The following PRKCH variants were observed in gnomAD, a reference collection of about 807,000 sequenced individuals.
The protein encoded by PRKCH is protein kinase C eta.
A neutral mutation model predicts 82.5 loss-of-function variants in PRKCH; 28 were observed. The observed-to-expected ratio is 0.34, with a 90% CI of 0.25 to 0.47. The LOEUF is 0.47. Ranked by LOEUF, PRKCH falls within the 20% of genes least tolerant of loss-of-function variation. The pLI is 1.00. For missense variants in PRKCH, 705 were observed against 881.8 expected, an observed-to-expected ratio of 0.80 and a Z score of 2.54; for synonymous variants, 322 against 327.4, an observed-to-expected ratio of 0.98 and a Z score of 0.18.
chr14:61,438,086 T>C (rs1428794874), intron 2 of PRKCH, among the ~76,000 whole-genome samples: 1 of 152,158 alleles, frequency 6.6e-6, no homozygotes, highest in African/African-American at 2.4e-5. Flanking sequence ...ATGAGGAACA[T>C]ATCCTTTATG....
chr14:61,381,696 A>T (rs1348083344), intron 1 of PRKCH, among the ~76,000 whole-genome samples: 1 of 152,210 alleles, frequency 6.6e-6, no homozygotes, highest in East Asian at 1.9e-4. Flanking sequence ...ATCCAGCGGC[A>T]CATCAGGCTG....
At chr14:61,438,019 C>T (rs1038680560) in intron 2 of PRKCH, among the ~76,000 whole-genome samples, 6 of 152,106 alleles carry the variant, frequency 3.9e-5, no homozygotes, top group Admixed American at 1.3e-4. Flanking sequence ...TACTACCTGT[C>T]GGGTACTTCT....
In PRKCH at chr14:61,345,054, C is replaced by A. The variant is rs540870532; in HGVS notation, c.363+22590C>A. Among the ~76,000 whole-genome samples, 14 of 152,228 alleles carry A rather than the reference C, an allele frequency of 9.2e-5. No homozygotes were observed. The South Asian group carries it at 2.9e-3, about 32-fold the overall frequency. ...GTACTAGGCTGTATACTCATTCACC[C>A]TCAGTTCCCTTTTCTGGTATATTTC... On this transcript the variant is annotated intron_variant, in intron 1 of 13. Transcript: ENST00000332981.
intron 2 of PRKCH, among the ~76,000 whole-genome samples, chr14:61,403,362 GAC>G (rs1160095853): frequency 2.0e-5 from 3 of 152,112 alleles, no homozygotes; most frequent in African/African-American, 7.2e-5. Flanking sequence ...AGAAGGAACT[GAC>G]ACATATTTGT....
intron 2 of PRKCH, among the ~76,000 whole-genome samples, chr14:61,404,755 G>A (rs1308365173): frequency 1.3e-5 from 2 of 152,172 alleles, no homozygotes; most frequent in African/African-American, 4.8e-5. Flanking sequence ...CCTCTGATGA[G>A]GTATCATTTG....
At chr14:61,376,656 C>G (rs942172209) in intron 1 of PRKCH, among the ~76,000 whole-genome samples, 4 of 152,160 alleles carry the variant, frequency 2.6e-5, no homozygotes, top group African/African-American at 9.7e-5. Context: ...CACACTTGTA[C>G]CACTGAGACA....
chr14:61,481,429 TC>T (rs1001701232), intron 9 of PRKCH, among the ~76,000 whole-genome samples: 1 of 152,186 alleles, frequency 6.6e-6, no homozygotes, highest in African/African-American at 2.4e-5. Context: ...GTTACTCGTG[TC>T]CCTTAATAAT....
chr14:61,342,437 A>G (rs2045940751), intron 1 of PRKCH, among the ~76,000 whole-genome samples: 1 of 152,196 alleles, frequency 6.6e-6, no homozygotes, highest in Non-Finnish European at 1.5e-5. Flanking sequence ...TGTAGGCTTT[A>G]TCCTTTAATT....
intron 1 of PRKCH, among the ~76,000 whole-genome samples, chr14:61,386,783 G>A (rs550320470): frequency 6.0e-4 from 91 of 152,308 alleles, no homozygotes; most frequent in African/African-American, 2.1e-3. Context: ...GGGATAGCAC[G>A]GATGTTAGAA....
intron 12 of PRKCH, among the ~76,000 whole-genome samples, chr14:61,545,685 A>G (rs768411128): frequency 3.9e-5 from 6 of 152,236 alleles, no homozygotes; most frequent in African/African-American, 7.2e-5. Context: ...CCAAGAGGCT[A>G]AGTATCAAGC....
chr14:61,247,602 G>A (rs369814021), intron 1 of PRKCH, among the ~76,000 whole-genome samples: 1 of 151,994 alleles, frequency 6.6e-6, no homozygotes, highest in South Asian at 2.1e-4. Context: ...CAGGTATAGT[G>A]GCATGTGCCT....
Position 61,526,777 on chromosome 14 carries a change from C to T in PRKCH, c.1434-2298C>T, listed in dbSNP as rs112449482. Among the ~76,000 whole-genome samples, 284 of 152,374 alleles carry T rather than the reference C, an allele frequency of 1.9e-3. 2 individuals carry two copies. The highest frequency in any genetic ancestry group is 6.4e-3 in the African/African-American group (265 of 41,596). On this transcript the variant is annotated intron_variant, in intron 10 of 13. Coordinates refer to ENST00000332981, the MANE Select transcript of PRKCH (RefSeq NM_006255.5). ...CAGTCAGCTGCAGCCACTGAGGAGA[C>T]GCCACAGCGAGGGGGGCTCCAGGCG... is the stretch of plus-strand genomic sequence containing the variant.
intron 10 of PRKCH, among the ~76,000 whole-genome samples, chr14:61,506,464 G>A (rs1325522714): frequency 6.6e-6 from 1 of 152,036 alleles, no homozygotes; most frequent in East Asian, 1.9e-4. Flanking sequence ...AGTGTGCAAT[G>A]CTGGCCCTCC....
At position 61,505,888 on chromosome 14, in the gene PRKCH, C is replaced by T. The variant is rs576125216; in HGVS notation, c.1433+20232C>T. ...CAGAGTAGAGGCCAATGGGGACACT[C>T]CTGTCTCATGGTTCTAACCAGAGGG... On this transcript the variant is annotated intron_variant, in intron 10 of 13. Transcript: ENST00000332981. 8.5e-5 allele frequency among the ~76,000 whole-genome samples: 13 copies of T among 152,232 alleles called. No individual in the cohort carries two copies. In the South Asian group the frequency reaches 2.5e-3, roughly 29 times the overall value.
At chr14:61,239,780 G>A (rs1256033912) in intron 1 of PRKCH, among the ~76,000 whole-genome samples, 2 of 152,080 alleles carry the variant, frequency 1.3e-5, no homozygotes, top group African/African-American at 4.8e-5. Flanking sequence ...GGTCTTAGAG[G>A]TGCTTTCTGT....
intron 9 of PRKCH, among the ~76,000 whole-genome samples, chr14:61,471,181 T>G (rs978481783): frequency 6.6e-6 from 1 of 152,268 alleles, no homozygotes. Context: ...CAGTGGCCCA[T>G]GGACCTGCCT....
At chr14:61,353,070 G>A (rs1421862724) in intron 1 of PRKCH, among the ~76,000 whole-genome samples, 1 of 152,164 alleles carries the variant, frequency 6.6e-6, no homozygotes, top group Non-Finnish European at 1.5e-5. Flanking sequence ...GTCAGTTCAG[G>A]TAAGATTTTG....
chr14:61,448,744 T>A (rs912157344), intron 4 of PRKCH, among the ~76,000 whole-genome samples: 1 of 152,188 alleles, frequency 6.6e-6, no homozygotes, highest in Non-Finnish European at 1.5e-5. Context: ...TAGTTTTTAC[T>A]GGAACAAGTA....
intron 1 of PRKCH, among the ~76,000 whole-genome samples, chr14:61,308,626 A>G (rs1024284084): frequency 6.6e-6 from 1 of 152,052 alleles, no homozygotes; most frequent in Admixed American, 6.6e-5. Context: ...TATGTTATAT[A>G]TTATTTTTTA....
Sources: gnomAD v4.1 joint callset for allele counts (sites outside exome capture counted in the v4.1 genomes callset) on GRCh38, gnomAD v4.1.1 for gene constraint, MANE v1.5 for transcripts, NCBI Gene and HGNC (gene_info 2026-07-23, HGNC 2026-07-21) for gene names.